EYS: variants seen among roughly 807,000 people sequenced by gnomAD.
EYS encodes EGF-like photoreceptor maintenance factor.
EYS carries 250 observed loss-of-function variants against 282.1 expected under a neutral mutation model. The ratio of observed to expected loss-of-function variants is 0.89; its 90% CI spans 0.80 to 0.98. The LOEUF (loss-of-function observed/expected upper bound fraction) is 0.98, where lower values mean the gene tolerates loss of function less well. Among genes scored for constraint, EYS ranks in the 50% least tolerant of loss-of-function variants. The pLI is 0.00. For missense variants in EYS, 4,016 were observed against 3,709.0 expected (o/e 1.08, Z -2.15); for synonymous variants, 1,355 against 1,282.9 (o/e 1.06, Z -1.20).
chr6:63,959,133 A>T (rs1354100979), intron 35 of EYS, among the ~76,000 whole-genome samples: 1 of 152,226 alleles, frequency 6.6e-6, no homozygotes, highest in Non-Finnish European at 1.5e-5. Flanking sequence ...CAAAGGTATA[A>T]TATCCAGAAT....
chr6:64,062,403 T>C (rs888147175), intron 33 of EYS, among the ~76,000 whole-genome samples: 1 of 152,156 alleles, frequency 6.6e-6, no homozygotes, highest in Admixed American at 6.5e-5. Context: ...AAGAAACTTA[T>C]GTTCTCAGCC....
chr6:64,077,302 T>C (rs796685544), intron 32 of EYS, among the ~76,000 whole-genome samples: 2 of 152,140 alleles, frequency 1.3e-5, no homozygotes, highest in African/African-American at 2.4e-5. Flanking sequence ...TGGGACTTCA[T>C]TGGCCTTGCC....
rs144760273 is a variant in EYS at position 64,812,415 on chromosome 6, A to G, written c.3443+963T>C. 2.2e-3 allele frequency among the ~76,000 whole-genome samples: 338 copies of G among 152,186 alleles called. 6 individuals are homozygous for G. The highest frequency in any genetic ancestry group is 7.6e-3 in the African/African-American group (316 of 41,556). On this transcript the variant is annotated intron_variant, in intron 22 of 42. Transcript: ENST00000503581. The stretch of plus-strand genomic sequence containing the variant: ...AGTTAATATTCTTGAACTTATATGA[A>G]ATTAGCTTTTATGTATGTCTTACTA...
rs779502698 is a variant in EYS, at chr6:63,762,546, A to G, written c.7986T>C (p.Cys2662=). The G allele has an allele frequency of 6.4e-7, 1 of 1,550,444 alleles. No homozygotes were observed. Among genetic ancestry groups the G allele is most frequent in the South Asian group, 1.2e-5 (1 of 84,034 alleles). ...CDPEHDPPHH[C]SRGATCISLP... ...ATGAAATGCAGGTTGCTCCTCTGCTACAGTGGTGTGGAGGGTCATGTTCAG... is the reference window on the plus strand; with the variant it reads ...ATGAAATGCAGGTTGCTCCTCTGCTGCAGTGGTGTGGAGGGTCATGTTCAG... Residue 2662 remains cysteine, a synonymous_variant, in exon 41 of 43, where the codon TGT becomes TGC. Coordinates refer to ENST00000503581, the MANE Select transcript of EYS (RefSeq NM_001142800.2).
At chr6:63,806,691 C>G (rs1770917349) in intron 36 of EYS, 1 of 175,616 alleles carries the variant, frequency 5.7e-6, no homozygotes, top group Non-Finnish European at 1.2e-5. Context: ...TACTGGCAGC[C>G]AAACAAAGTA....
At chr6:64,795,675 A>G (rs1297724206) in intron 22 of EYS, among the ~76,000 whole-genome samples, 2 of 152,154 alleles carry the variant, frequency 1.3e-5, no homozygotes, top group African/African-American at 2.4e-5. Flanking sequence ...TTGTTTCCTA[A>G]TTGTTCTTGA....
intron 18 of EYS, among the ~76,000 whole-genome samples, chr6:64,899,907 A>G (rs1329387175): frequency 6.6e-6 from 1 of 152,206 alleles, no homozygotes; most frequent in African/African-American, 2.4e-5. Context: ...GAACCAAAAA[A>G]GAGCCCATAT....
intron 13 of EYS, among the ~76,000 whole-genome samples, chr6:65,038,747 A>AT (rs1305704509): frequency 2.0e-5 from 3 of 151,286 alleles, no homozygotes; most frequent in South Asian, 4.1e-4. Context: ...ATTTTCAATA[A>AT]TTTTTTTATT....
chr6:63,954,076 A>G (rs955538175), intron 35 of EYS, among the ~76,000 whole-genome samples: 2 of 152,096 alleles, frequency 1.3e-5, no homozygotes. Flanking sequence ...GTCTCCCACA[A>G]TTACCATTGT....
chr6:65,700,753 C>T (rs1769644736), intron 1 of EYS, among the ~76,000 whole-genome samples: 1 of 152,142 alleles, frequency 6.6e-6, no homozygotes, highest in Non-Finnish European at 1.5e-5. Context: ...ATTTCTTAAT[C>T]CCCATCCCAT....
intron 26 of EYS, among the ~76,000 whole-genome samples, chr6:64,465,061 T>C (rs1046643157): frequency 2.6e-5 from 4 of 151,736 alleles, no homozygotes; most frequent in Admixed American, 2.6e-4. Context: ...ATAAAAGAGA[T>C]AAAAGACCTG....
chr6:65,131,983 T>A lies in EYS; in HGVS notation c.2024-74256A>T, dbSNP rs958477221. ...GAAAACTTAGAAGAGAGGGATAAAT[T>A]CCTGGACACACACACTACCCCAAGA... On this transcript the variant is annotated intron_variant, in intron 12 of 42. Coordinates refer to ENST00000503581, the MANE Select transcript of EYS (RefSeq NM_001142800.2). 3.3e-5 allele frequency among the ~76,000 whole-genome samples: 5 copies of A among 151,870 alleles called. No homozygotes were observed. In the East Asian group the frequency reaches 9.6e-4, roughly 29 times the overall value.
chr6:64,068,919 T>C (rs1045801411), intron 32 of EYS, among the ~76,000 whole-genome samples: 1 of 151,888 alleles, frequency 6.6e-6, no homozygotes, highest in Non-Finnish European at 1.5e-5. Context: ...GGAGAGATTA[T>C]CCTATATTAT....
intron 30 of EYS, among the ~76,000 whole-genome samples, chr6:64,239,391 T>A (rs1001223940): frequency 6.6e-6 from 1 of 152,228 alleles, no homozygotes; most frequent in Non-Finnish European, 1.5e-5. Context: ...GCATTCCTAT[T>A]TCTCCACATC....
intron 36 of EYS, among the ~76,000 whole-genome samples, chr6:63,856,333 CT>C (rs1772391153): frequency 1.3e-5 from 2 of 152,118 alleles, no homozygotes; most frequent in African/African-American, 4.8e-5. Flanking sequence ...AATATATAGT[CT>C]CTCTATTTTA....
At chr6:64,831,788 A>G (rs12207669) in intron 19 of EYS, among the ~76,000 whole-genome samples, 50,772 of 151,862 alleles carry the variant, frequency 0.33, 10,759 homozygotes, top group Admixed American at 0.47. Context: ...ATGTCATTGT[A>G]AAAAATTTTA....
chr6:64,660,789 T>C (rs1768981318), intron 22 of EYS, among the ~76,000 whole-genome samples: 1 of 152,188 alleles, frequency 6.6e-6, no homozygotes. Flanking sequence ...GAAGAATCAA[T>C]ATCATGAAAA....
intron 35 of EYS, among the ~76,000 whole-genome samples, chr6:63,937,340 CTTTTCTTTTTTTTT>C (rs1765089780): frequency 2.6e-4 from 12 of 46,090 alleles, no homozygotes; most frequent in South Asian, 7.3e-4. Flanking sequence ...AGGCTTCTCT[CTTTTCTTTTTTTTT>C]TTTTTTTTTT....
At chr6:64,701,016 C>A (rs1313203850) in intron 22 of EYS, among the ~76,000 whole-genome samples, 1 of 151,840 alleles carries the variant, frequency 6.6e-6, no homozygotes, top group African/African-American at 2.4e-5. Flanking sequence ...CTGGTGTAAA[C>A]CTAGACCTAT....
Sources: allele counts gnomAD v4.1 joint callset (sites outside exome capture counted in the v4.1 genomes callset), GRCh38; gene constraint gnomAD v4.1.1; transcripts MANE v1.5; gene names NCBI Gene and HGNC (gene_info 2026-07-23, HGNC 2026-07-21).